ERCC2: variants seen among roughly 807,000 people sequenced by gnomAD.
ERCC2 encodes the protein ERCC excision repair 2, TFIIH core complex helicase subunit.
A neutral mutation model predicts 99.4 loss-of-function variants in ERCC2; 90 were observed. The observed-to-expected ratio is 0.91, with a 90% CI of 0.76 to 1.08. The LOEUF is 1.08. ERCC2 is among the 50% of genes least tolerant of loss of function. ERCC2 has a pLI of 0.00. For synonymous variants in ERCC2, 497 were observed against 432.4 expected, an observed-to-expected ratio of 1.15 and a Z score of -1.85; for missense variants, 993 against 1,038.1, an observed-to-expected ratio of 0.96 and a Z score of 0.60.
intron 5 of ERCC2, 131 bp downstream of exon 5, chr19:45,368,499 G>T: frequency 1.4e-6 from 1 of 723,114 alleles, no homozygotes. Flanking sequence ...TGACCACTGA[G>T]ACGGGAATTC....
chr19:45,357,521 T>C lies in ERCC2; in HGVS notation c.1330A>G (p.Ile444Val), dbSNP rs772366393. 1.9e-6 allele frequency: 3 copies of C among 1,614,158 alleles called. No homozygotes were observed. The East Asian group carries it at 6.7e-5, about 36-fold the overall frequency. Residue 444 changes from isoleucine (I) to valine (V), a missense_variant, in exon 14 of 23, where the codon ATC becomes GTC. By Grantham distance (29) the Ile-to-Val change is conservative. Transcript: ENST00000391945. ...TGGAAACGCTCAAATACGGGTTTGA[T>C]GGCCAGCGAGGCGTCCATGCAGCTG... Reference protein sequence around the residue: ...HFSCMDASLAIKPVFERFQSV... With the variant: ...HFSCMDASLAVKPVFERFQSV...
intron 20 of ERCC2, 39 bp downstream of exon 20, chr19:45,352,707 C>G (rs369066644): frequency 4.2e-5 from 68 of 1,613,932 alleles, no homozygotes; most frequent in African/African-American, 8.0e-5. Context: ...TCCCTTGATC[C>G]TAACACTGTG....
In ERCC2 at chr19:45,350,789, G is replaced by A. The variant is rs1971713655; in HGVS notation, c.*840C>T. The A allele has an allele frequency of 1.9e-6, 3 of 1,549,794 alleles. No homozygotes were observed. The highest frequency in any genetic ancestry group is 2.6e-6 in the Non-Finnish European group (3 of 1,135,746). ...TCGGCAAAGAGCCCTGACATCAGCA[G>A]AATCCACAGCCCACCCCACCCCCAC... On this transcript the variant is annotated 3_prime_UTR_variant, in exon 23 of 23. Coordinates refer to ENST00000391945, the MANE Select transcript of ERCC2 (RefSeq NM_000400.4).
intron 5 of ERCC2, 111 bp from the exon 6 acceptor site, chr19:45,365,269 A>C: frequency 1.3e-6 from 1 of 793,672 alleles, no homozygotes; most frequent in Non-Finnish European, 2.2e-6. Context: ...CTTGAACCTC[A>C]GTCTGTTGCA....
At chr19:45,355,809 C>G in intron 15 of ERCC2, 81 bp from the exon 16 acceptor site, 1 of 731,582 alleles carries the variant, frequency 1.4e-6, no homozygotes, top group Non-Finnish European at 2.3e-6. Flanking sequence ...TGGTGCTGTT[C>G]TAAGCTTTTT....
At chr19:45,366,590 TACCCCTG>T (rs950943497) in intron 5 of ERCC2, among the ~76,000 whole-genome samples, 8 of 152,186 alleles carry the variant, frequency 5.3e-5, no homozygotes, top group African/African-American at 1.9e-4. Context: ...GGACTCCCCT[TACCCCTG>T]ACCTGCTCTG....
rs757200055 is a variant in ERCC2 at position 45,350,510 on chromosome 19, CT to C, written c.*1118del. The C allele has an allele frequency of 1.3e-5, 21 of 1,613,784 alleles. No homozygotes were observed. The highest frequency in any genetic ancestry group is 1.6e-4 in the Middle Eastern group (1 of 6,080). ...ATCTCAGTGTCCCCCATCTTTCCCC[CT>C]AGGTGCCCCCAACACAGGCACAGCT... On this transcript the variant is annotated 3_prime_UTR_variant, in exon 23 of 23. Coordinates refer to ENST00000391945, the MANE Select transcript of ERCC2 (RefSeq NM_000400.4).
chr19:45,361,864 A>G, intron 11 of ERCC2: 1 of 566,918 alleles, frequency 1.8e-6, no homozygotes, highest in Non-Finnish European at 3.3e-6. Context: ...AGCAATAATC[A>G]GACACTCCAG....
chr19:45,361,655 AGAGACGGGGTCGG>A lies in ERCC2; in HGVS notation c.1119-26_1119-14del. 1 of 1,593,372 alleles carries A rather than the reference AGAGACGGGGTCGG, an allele frequency of 6.3e-7. No homozygotes were observed. The highest frequency in any genetic ancestry group is 8.6e-7 in the Non-Finnish European group (1 of 1,161,476). On this transcript the variant is annotated splice_polypyrimidine_tract_variant and intron_variant, in intron 11 of 22. Transcript: ENST00000391945. ...TTCAGCACAGAATCTGGCGGGGAGG[AGAGACGGGGTCGG>A]GGGGCAGACGGAAGCATGAGCAGGA...
Position 45,365,144 on chromosome 19 carries a change from G to A in ERCC2, c.375C>T (p.Arg125=), listed in dbSNP as rs779822777. 5 of 1,614,124 alleles carry A rather than the reference G, an allele frequency of 3.1e-6. No homozygotes were observed. The South Asian group carries it at 3.3e-5, about 11-fold the overall frequency. ...LCIHPEVTPL[R]FGKDVDGKCH... ...ATTTCCCATCGACGTCCTTCCCAAAGCGCAGGGGTGTCACCTGGGGGTGTG... is the reference window on the plus strand; with the variant it reads ...ATTTCCCATCGACGTCCTTCCCAAAACGCAGGGGTGTCACCTGGGGGTGTG... Residue 125 remains arginine, a synonymous_variant, in exon 6 of 23, where the codon CGC becomes CGT. Transcript: ENST00000391945.
At chr19:45,361,694 C>CTGCTGGTCCTGCT in intron 11 of ERCC2, 52 bp from the exon 12 acceptor site, 2 of 1,311,752 alleles carry the variant, frequency 1.5e-6, no homozygotes, top group Non-Finnish European at 2.2e-6. Flanking sequence ...ATGAGCAGGA[C>CTGCTGGTCCTGCT]CAGCAGCCCT....
intron 11 of ERCC2, among the ~76,000 whole-genome samples, chr19:45,363,399 G>T (rs898948282): frequency 6.6e-6 from 1 of 152,086 alleles, no homozygotes; most frequent in Non-Finnish European, 1.5e-5. Context: ...CCTCCCTGCC[G>T]CTGTGGCCTG....
At chr19:45,370,112 T>A (rs911502215) in intron 2 of ERCC2, 21 bp downstream of exon 2, 1 of 1,611,396 alleles carries the variant, frequency 6.2e-7, no homozygotes, top group South Asian at 1.1e-5. Flanking sequence ...AGTGGGCGGG[T>A]CGGGCCCACC....
At position 45,364,220 on chromosome 19, in the gene ERCC2, C is replaced by T. The variant is rs768633659; in HGVS notation, c.815+15G>A. ...GGGCAGGGCGGGCACCACCGCCAGA[C>T]GTCCCCGGCCCCACCTGAGCACCGT... On this transcript the variant is annotated intron_variant, in intron 9 of 22. Transcript: ENST00000391945. 7.4e-6 allele frequency: 12 copies of T among 1,612,642 alleles called. No homozygotes were observed. The highest frequency in any genetic ancestry group is 1.6e-4 in the Middle Eastern group (1 of 6,080).
intron 12 of ERCC2, among the ~76,000 whole-genome samples, chr19:45,361,129 CA>C (rs534908305): frequency 0.31 from 34,393 of 112,294 alleles, 4,694 homozygotes; most frequent in Middle Eastern, 0.39. Flanking sequence ...GACTCCGTCT[CA>C]AAAAAAAAAA....
At chr19:45,362,589 G>A (rs1972263524) in intron 11 of ERCC2, among the ~76,000 whole-genome samples, 1 of 152,228 alleles carries the variant, frequency 6.6e-6, no homozygotes, top group Non-Finnish European at 1.5e-5. Context: ...TCCCAGCCTG[G>A]CTCCTCTAAC....
rs771873955 is a variant in ERCC2, at chr19:45,370,503, G to A, written c.5+33C>T. On this transcript the variant is annotated intron_variant, in intron 1 of 22. Coordinates refer to ENST00000391945, the MANE Select transcript of ERCC2 (RefSeq NM_000400.4). Reference sequence around the variant, plus strand: ...CCCATCTTCAAGACCCCCCGCGCCCGCTAGCGAGCGCGACCCCCAGCCCCC... The same window carrying A: ...CCCATCTTCAAGACCCCCCGCGCCCACTAGCGAGCGCGACCCCCAGCCCCC... 6.7e-6 allele frequency: 8 copies of A among 1,197,500 alleles called. No individual in the cohort carries two copies. The Admixed American group carries it at 9.6e-5, about 14-fold the overall frequency. The allele number at this position is 1,197,500 out of a possible 1,614,324, so 74.2% of individuals were successfully genotyped here. A position where few individuals can be genotyped will look rare whatever the true frequency, so the allele number is the denominator to read the frequency against.
At chr19:45,367,605 C>A (rs766044999) in intron 5 of ERCC2, among the ~76,000 whole-genome samples, 22 of 151,562 alleles carry the variant, frequency 1.5e-4, no homozygotes, top group Non-Finnish European at 2.9e-4. Context: ...GCAACCTCCC[C>A]CTCGGGAGTT....
In ERCC2 at chr19:45,351,538, A is replaced by G. The variant is rs189063831; in HGVS notation, c.*91T>C. 137 of 1,604,934 alleles carry G rather than the reference A, an allele frequency of 8.5e-5. No individual in the cohort carries two copies. The African/African-American group carries it at 1.7e-3, about 19-fold the overall frequency. On this transcript the variant is annotated 3_prime_UTR_variant, in exon 23 of 23. Transcript: ENST00000391945. ...ACAGTGAGAAATGTCACCTGACTTC[A>G]TAAGACCTTCTAGCACCACCGCCGC...
Sources: gnomAD v4.1 joint callset for allele counts (sites outside exome capture counted in the v4.1 genomes callset) on GRCh38, gnomAD v4.1.1 for gene constraint, MANE v1.5 for transcripts, NCBI Gene and HGNC (gene_info 2026-07-23, HGNC 2026-07-21) for gene names.